Variants in AGXT observed in about 807,000 individuals in gnomAD.
The protein encoded by AGXT is L-alanine: glyoxylate aminotransferase 1.
AGXT carries 41 observed loss-of-function variants against 46.9 expected under a neutral mutation model. The observed-to-expected ratio is 0.88, with a 90% CI of 0.68 to 1.14. The LOEUF (loss-of-function observed/expected upper bound fraction) is 1.14, where lower values mean the gene tolerates loss of function less well. Among genes scored for constraint, AGXT ranks in the 50% most tolerant of loss-of-function variants. AGXT has a pLI of 0.00. For synonymous variants in AGXT, 244 were observed against 227.9 expected, an observed-to-expected ratio of 1.07 and a Z score of -0.64; for missense variants, 525 against 522.7, an observed-to-expected ratio of 1.00 and a Z score of -0.04.
chr2:240,874,085 C>T (rs773162068), intron 6 of AGXT, 23 bp downstream of exon 6: 1 of 1,609,850 alleles, frequency 6.2e-7, no homozygotes, highest in African/African-American at 1.3e-5. Context: ...CAGACCCTCA[C>T]CTCTGTGCAG....
At chr2:240,872,137 G>A (rs547461402) in intron 4 of AGXT, among the ~76,000 whole-genome samples, 3 of 152,360 alleles carry the variant, frequency 2.0e-5, no homozygotes, top group African/African-American at 7.2e-5. Context: ...AAAACCTGGA[G>A]GTGGAGGAGG....
intron 9 of AGXT, among the ~76,000 whole-genome samples, 184 bp from the exon 10 acceptor site, chr2:240,877,838 G>A (rs1285431430): frequency 6.6e-6 from 1 of 152,224 alleles, no homozygotes; most frequent in East Asian, 1.9e-4. Context: ...GACGGCCTGT[G>A]ATCTCCCAGT....
chr2:240,875,278 C>T (rs2059018160), intron 7 of AGXT, 74 bp downstream of exon 7: 1 of 1,274,668 alleles, frequency 7.8e-7, no homozygotes, highest in Non-Finnish European at 1.1e-6. Flanking sequence ...CCTCTCACTG[C>T]ACTCAGGGAT....
chr2:240,871,637 C>T (rs1204570604), intron 4 of AGXT, among the ~76,000 whole-genome samples, 188 bp downstream of exon 4: 1 of 152,210 alleles, frequency 6.6e-6, no homozygotes, highest in Non-Finnish European at 1.5e-5. Flanking sequence ...CCCCAGGTCC[C>T]AGGGCAGGCT....
intron 7 of AGXT, 80 bp downstream of exon 7, chr2:240,875,284 G>T: frequency 8.1e-7 from 1 of 1,237,064 alleles, no homozygotes; most frequent in South Asian, 1.2e-5. Flanking sequence ...ACTGCACTCA[G>T]GGATTCTCCA....
In AGXT at chr2:240,879,119, A is replaced by G; in HGVS notation, c.*298A>G. ...ATAAAGGGCCTGGCCAACTCTCCTCACTGTGTGGGGTGGTCTGTGAAAGAG... is the reference window on the plus strand; with the variant it reads ...ATAAAGGGCCTGGCCAACTCTCCTCGCTGTGTGGGGTGGTCTGTGAAAGAG... On this transcript the variant is annotated 3_prime_UTR_variant, in exon 11 of 11. Coordinates refer to ENST00000307503, the MANE Select transcript of AGXT (RefSeq NM_000030.3). The G allele has an allele frequency of 2.0e-6, 1 of 511,122 alleles. No individual in the cohort carries two copies. The highest frequency in any genetic ancestry group is 3.6e-6 in the Non-Finnish European group (1 of 279,796). The allele number at this position is 511,122 out of a possible 1,614,324, so 31.7% of individuals were successfully genotyped here. A position where few individuals can be genotyped will look rare whatever the true frequency, so the allele number is the denominator to read the frequency against.
chr2:240,870,408 A>C (rs544425248), intron 2 of AGXT, among the ~76,000 whole-genome samples: 2 of 152,126 alleles, frequency 1.3e-5, no homozygotes. Context: ...GAGCTCTGTC[A>C]AGAGTGCCCC....
At chr2:240,871,940 A>G (rs1165039307) in intron 4 of AGXT, among the ~76,000 whole-genome samples, 1 of 152,250 alleles carries the variant, frequency 6.6e-6, no homozygotes, top group Non-Finnish European at 1.5e-5. Context: ...AGCACAGGAC[A>G]GAGGAGAGAA....
rs375038017 is a variant in AGXT at position 240,875,190 on chromosome 2, C to T, written c.762C>T (p.Asp254=). 46 of 1,612,876 alleles carry T rather than the reference C, an allele frequency of 2.9e-5. No individual in the cohort carries two copies. Among genetic ancestry groups the T allele is most frequent in the Admixed American group, 1.7e-4 (10 of 59,998 alleles). ...IKWLANFWGC[D]DQPRMYHHTI... is the part of the protein sequence containing the mutation. ...GGCTGGCCAACTTCTGGGGCTGTGA[C>T]GACCAGCCCAGGATGTGAGGCCTGG... The change falls in exon 7 of 11, where the codon GAC becomes GAT. Residue 254 remains aspartate, a synonymous_variant. Transcript: ENST00000307503.
At position 240,868,935 on chromosome 2, in the gene AGXT, C is replaced by A. The variant is rs754037121; in HGVS notation, c.70C>A (p.Leu24Ile). The stretch of plus-strand genomic sequence containing the variant: ...CAAGCCCCTCTCCATCCCCAACCAG[C>A]TCCTGCTGGGGCCTGGTCCTTCCAA... ...LLKPLSIPNQ[L>I]LLGPGPSNLP... Residue 24 changes from leucine to isoleucine, a missense_variant, in exon 1 of 11, where the codon CTC becomes ATC. Coordinates refer to ENST00000307503, the MANE Select transcript of AGXT (RefSeq NM_000030.3). 1.9e-5 allele frequency: 31 copies of A among 1,613,220 alleles called. No homozygotes were observed. Among genetic ancestry groups the A allele is most frequent in the Non-Finnish European group, 2.6e-5 (31 of 1,180,030 alleles).
rs764731393 is a variant in AGXT, at chr2:240,868,862, G to A, written c.-4G>A. The A allele has an allele frequency of 1.2e-6, 2 of 1,608,672 alleles. No homozygotes were observed. Among genetic ancestry groups the A allele is most frequent in the Non-Finnish European group, 1.7e-6 (2 of 1,178,308 alleles). On this transcript the variant is annotated 5_prime_UTR_variant, in exon 1 of 11. Transcript: ENST00000307503. The stretch of plus-strand genomic sequence containing the variant: ...GTTCCCGAGCGGCAGGTTGGGTGCG[G>A]ACCATGGCCTCTCACAAGCTGCTGG...
intron 4 of AGXT, among the ~76,000 whole-genome samples, chr2:240,871,983 G>A (rs2058993263): frequency 6.6e-6 from 1 of 152,234 alleles, no homozygotes; most frequent in Non-Finnish European, 1.5e-5. Flanking sequence ...TTCTGACAGG[G>A]CCCCCAGCCC....
At chr2:240,869,455 G>C in intron 2 of AGXT, 93 bp downstream of exon 2, 1 of 1,403,014 alleles carries the variant, frequency 7.1e-7, no homozygotes. Flanking sequence ...CCCCGTTCCT[G>C]GGTGAGCGCT....
intron 4 of AGXT, among the ~76,000 whole-genome samples, chr2:240,872,528 T>C (rs941149476): frequency 1.1e-4 from 16 of 152,118 alleles, no homozygotes; most frequent in African/African-American, 3.9e-4. Context: ...TGGGCTGTTC[T>C]GGGACTCTGT....
chr2:240,873,258 C>G, intron 5 of AGXT: 1 of 575,802 alleles, frequency 1.7e-6, no homozygotes, highest in Non-Finnish European at 3.1e-6. Flanking sequence ...GCTTTCAGAT[C>G]CAGGCGTGGG....
In AGXT at chr2:240,878,856, A is replaced by T; in HGVS notation, c.*35A>T. 1 of 1,540,848 alleles carries T rather than the reference A, an allele frequency of 6.5e-7. No homozygotes were observed. The highest frequency in any genetic ancestry group is 8.8e-7 in the Non-Finnish European group (1 of 1,137,380). On this transcript the variant is annotated 3_prime_UTR_variant, in exon 11 of 11. Coordinates refer to ENST00000307503, the MANE Select transcript of AGXT (RefSeq NM_000030.3). ...TGGCACACAGCTGGCACTGGCACAC[A>T]CCTGTCCCATGCCCACCCTGAGGGA...
Position 240,868,845 on chromosome 2 carries a change from G to A in AGXT, c.-21G>A. The stretch of plus-strand genomic sequence containing the variant: ...GGCCAGTGCAGCCCCAGGTTCCCGA[G>A]CGGCAGGTTGGGTGCGGACCATGGC... On this transcript the variant is annotated 5_prime_UTR_variant, in exon 1 of 11. Coordinates refer to ENST00000307503, the MANE Select transcript of AGXT (RefSeq NM_000030.3). 1 of 1,603,666 alleles carries A rather than the reference G, an allele frequency of 6.2e-7. No individual in the cohort carries two copies. The highest frequency in any genetic ancestry group is 2.3e-5 in the East Asian group (1 of 44,348).
intron 2 of AGXT, among the ~76,000 whole-genome samples, chr2:240,869,695 A>G (rs1176889747): frequency 1.3e-5 from 2 of 149,966 alleles, no homozygotes; most frequent in Non-Finnish European, 3.0e-5. Context: ...CCAGGGCCCC[A>G]GGCACCAGCT....
At chr2:240,875,304 C>T in intron 7 of AGXT, 100 bp downstream of exon 7, 1 of 1,030,622 alleles carries the variant, frequency 9.7e-7, no homozygotes, top group Non-Finnish European at 1.5e-6. Context: ...AAGCCCCCCA[C>T]CTTCATGCCT....
Sources: allele counts gnomAD v4.1 joint callset (sites outside exome capture counted in the v4.1 genomes callset), GRCh38; gene constraint gnomAD v4.1.1; transcripts MANE v1.5; gene names NCBI Gene and HGNC (gene_info 2026-07-23, HGNC 2026-07-21).